The following SNCAIP variants were observed in gnomAD, a reference collection of about 807,000 sequenced individuals.
SNCAIP encodes the protein synuclein alpha interacting protein, also known as synphilin-1.
Under a neutral mutation model 86.7 loss-of-function variants are expected in SNCAIP, and 43 were observed. The ratio of observed to expected loss-of-function variants is 0.50; its 90% CI spans 0.39 to 0.64. The LOEUF (loss-of-function observed/expected upper bound fraction) is 0.64, where lower values mean the gene tolerates loss of function less well. SNCAIP is among the 30% of genes least tolerant of loss of function. The probability of loss-of-function intolerance (pLI) is 0.00; values close to 1 mark genes in which losing one functional copy is unlikely to be tolerated. For synonymous variants in SNCAIP, 417 were observed against 427.2 expected (o/e 0.98, Z 0.29); for missense variants, 981 against 1,103.1 (o/e 0.89, Z 1.57).
At chr5:122,332,859 G>T (rs1406515007) in intron 1 of SNCAIP, among the ~76,000 whole-genome samples, 2 of 152,180 alleles carry the variant, frequency 1.3e-5, no homozygotes, top group Non-Finnish European at 2.9e-5. Flanking sequence ...GAAAAGAAAG[G>T]CTTTCTGAAA....
At chr5:122,317,197 A>G (rs1345037953) in intron 1 of SNCAIP, among the ~76,000 whole-genome samples, 1 of 152,204 alleles carries the variant, frequency 6.6e-6, no homozygotes, top group Admixed American at 6.5e-5. Flanking sequence ...ACTCATAAAA[A>G]TAAACTATTT....
intron 10 of SNCAIP, among the ~76,000 whole-genome samples, chr5:122,452,681 A>T (rs1162895107): frequency 6.6e-6 from 1 of 152,152 alleles, no homozygotes; most frequent in East Asian, 1.9e-4. Context: ...AAAACACCAG[A>T]CCTTTTGGGT....
intron 10 of SNCAIP, chr5:122,453,027 A>C (rs1474531980): frequency 1.4e-6 from 2 of 1,401,036 alleles, no homozygotes; most frequent in African/African-American, 2.9e-5. Context: ...GCTGTGCGGC[A>C]TTGACATGCT....
chr5:122,430,413 C>T (rs1018249004), intron 5 of SNCAIP, among the ~76,000 whole-genome samples: 2 of 152,130 alleles, frequency 1.3e-5, no homozygotes, highest in Non-Finnish European at 2.9e-5. Context: ...AGTTTACATG[C>T]TTTATCTCAT....
At chr5:122,400,709 A>G (rs1051448628) in intron 2 of SNCAIP, among the ~76,000 whole-genome samples, 1 of 152,198 alleles carries the variant, frequency 6.6e-6, no homozygotes, top group Admixed American at 6.6e-5. Context: ...CATTGCATGA[A>G]TGGGGGACCC....
At chr5:122,434,547 C>T (rs1425404482) in intron 6 of SNCAIP, among the ~76,000 whole-genome samples, 4 of 152,120 alleles carry the variant, frequency 2.6e-5, no homozygotes, top group African/African-American at 7.2e-5. Flanking sequence ...CTGTGTCAAA[C>T]GTTTGCTTCA....
At chr5:122,408,424 C>T (rs1376779170) in intron 3 of SNCAIP, among the ~76,000 whole-genome samples, 1 of 152,032 alleles carries the variant, frequency 6.6e-6, no homozygotes, top group Non-Finnish European at 1.5e-5. Context: ...GTGGTGGGCT[C>T]CAAGAATGGA....
chr5:122,416,776 T>C (rs1207065699), intron 3 of SNCAIP, among the ~76,000 whole-genome samples: 1 of 152,166 alleles, frequency 6.6e-6, no homozygotes. Context: ...GACTCTAGCA[T>C]TAATACTCCC....
At chr5:122,318,250 GTTTCTTC>G (rs2152657776) in intron 1 of SNCAIP, among the ~76,000 whole-genome samples, 1 of 152,140 alleles carries the variant, frequency 6.6e-6, no homozygotes, top group East Asian at 1.9e-4. Flanking sequence ...GTGGAATATT[GTTTCTTC>G]TTTCTCAAAC....
chr5:122,364,980 A>G (rs907692892), intron 1 of SNCAIP, among the ~76,000 whole-genome samples: 8 of 152,234 alleles, frequency 5.3e-5, no homozygotes, highest in Admixed American at 5.2e-4. Flanking sequence ...ACTGTTAAAA[A>G]GAGACATATA....
intron 4 of SNCAIP, among the ~76,000 whole-genome samples, chr5:122,424,194 A>G (rs1776938813): frequency 1.3e-5 from 2 of 152,162 alleles, no homozygotes; most frequent in African/African-American, 4.8e-5. Context: ...GGTTGTTTGA[A>G]AAGCATTTGT....
chr5:122,454,347 T>G (rs914506390), intron 10 of SNCAIP: 1 of 152,702 alleles, frequency 6.5e-6, no homozygotes, highest in Non-Finnish European at 1.5e-5. Flanking sequence ...CCTAGGGGGC[T>G]CATTAATTCA....
intron 1 of SNCAIP, chr5:122,370,004 C>T (rs1439607018): frequency 6.6e-6 from 1 of 152,096 alleles, no homozygotes; most frequent in Non-Finnish European, 1.5e-5. Context: ...CTTCACTTTC[C>T]TTTTCTGTGA....
chr5:122,353,576 G>A (rs1038509919), intron 1 of SNCAIP, among the ~76,000 whole-genome samples: 1 of 152,062 alleles, frequency 6.6e-6, no homozygotes, highest in Non-Finnish European at 1.5e-5. Context: ...GGAGGTAATT[G>A]AATCATGGGG....
chr5:122,385,673 ATGTGTG>A (rs371793989), intron 1 of SNCAIP, among the ~76,000 whole-genome samples: 1,693 of 138,408 alleles, frequency 0.012, 30 homozygotes, highest in Admixed American at 0.036. Context: ...GTGCGCACGT[ATGTGTG>A]TGTGTGTGTG....
At chr5:122,391,797 C>T (rs761193633) in intron 2 of SNCAIP, among the ~76,000 whole-genome samples, 23 of 152,182 alleles carry the variant, frequency 1.5e-4, no homozygotes, top group Non-Finnish European at 2.5e-4. Flanking sequence ...CTTCCTGCTG[C>T]TTAAATCAGG....
At position 122,403,815 on chromosome 5, in the gene SNCAIP, C is replaced by T. The variant is rs745604269; in HGVS notation, c.80C>T (p.Thr27Met). 11 of 1,613,630 alleles carry T rather than the reference C, an allele frequency of 6.8e-6. No individual in the cohort carries two copies. Among genetic ancestry groups the T allele is most frequent in the Admixed American group, 1.7e-5 (1 of 59,982 alleles). ...CAGTATTCAGTCACATCACTCAAGA[C>T]GATCCCAGAACTGTGCCGAAGATGT... The part of the protein sequence containing the change: ...DISYSVTSLK[T>M]IPELCRRCDT... The change falls in exon 3 of 11, where the codon ACG (threonine) becomes ATG (methionine). Residue 27 changes from threonine to methionine, a missense_variant. By Grantham distance (81) the Thr-to-Met change is moderately conservative (BLOSUM62 -1). Transcript: ENST00000261368.
chr5:122,450,520 A>T lies in SNCAIP; in HGVS notation c.1686-13A>T, dbSNP rs769123471. The T allele has an allele frequency of 6.3e-7, 1 of 1,591,312 alleles. No individual in the cohort carries two copies. The highest frequency in any genetic ancestry group is 2.2e-5 in the East Asian group (1 of 44,786). The stretch of plus-strand genomic sequence containing the variant: ...TAGGAAATCATCTCATATGTCCTTC[A>T]TCTTCTTTTTAGTTCACCATCCTCA... On this transcript the variant is annotated splice_polypyrimidine_tract_variant and intron_variant, in intron 9 of 10. Transcript: ENST00000261368.
intron 1 of SNCAIP, chr5:122,312,879 C>G (rs1750907699): frequency 6.6e-6 from 1 of 152,304 alleles, no homozygotes; most frequent in African/African-American, 2.4e-5. Context: ...GAATGTTTCT[C>G]TCTTGGCCTT....
Sources: gnomAD v4.1 joint callset for allele counts (sites outside exome capture counted in the v4.1 genomes callset) on GRCh38, gnomAD v4.1.1 for gene constraint, MANE v1.5 for transcripts, NCBI Gene and HGNC (gene_info 2026-07-23, HGNC 2026-07-21) for gene names.